The following CACHD1 variants were observed in gnomAD, a reference collection of about 807,000 sequenced individuals.
The protein encoded by CACHD1 is cache domain containing 1.
CACHD1 carries 71 observed loss-of-function variants against 138.7 expected under a neutral mutation model. That is an observed-to-expected ratio of 0.51 (90% CI 0.42 to 0.62). The LOEUF is 0.62. Among genes scored for constraint, CACHD1 ranks in the 20% least tolerant of loss-of-function variants. CACHD1 has a pLI of 0.00. For synonymous variants in CACHD1, 578 were observed against 591.5 expected, an observed-to-expected ratio of 0.98 and a Z score of 0.33; for missense variants, 1,389 against 1,625.3, an observed-to-expected ratio of 0.85 and a Z score of 2.50.
At position 64,691,453 on chromosome 1, in the gene CACHD1, C is replaced by G. The variant is rs1302353815; in HGVS notation, c.3717C>G (p.Ala1239=). Residue 1239 remains alanine, a synonymous_variant, in exon 27 of 27, where the codon GCC becomes GCG. Transcript: ENST00000651257. ...TGGATACCCCCCCTCAGACTGCTGC[C>G]CTACTAAGTCACAAGTTCCACCACT... ...LDLDTPPQTA[A]LLSHKFHHYR... The G allele has an allele frequency of 3.1e-6, 5 of 1,614,054 alleles. No homozygotes were observed. The Admixed American group carries it at 6.7e-5, about 22-fold the overall frequency.
At position 64,664,542 on chromosome 1, in the gene CACHD1, T is replaced by C. The variant is rs773542908; in HGVS notation, c.2139T>C (p.Asp713=). ...NEVMATSHVT[D]EWMTQMEMSS... Reference sequence around the variant, plus strand: ...TAATGGCTACCAGCCACGTCACAGATGAATGGATGACACAAATGGAAATGA... The same window carrying C: ...TAATGGCTACCAGCCACGTCACAGACGAATGGATGACACAAATGGAAATGA... Residue 713 remains aspartate (D), a synonymous_variant, in exon 15 of 27, where the codon GAT becomes GAC. Coordinates refer to ENST00000651257, the MANE Select transcript of CACHD1 (RefSeq NM_020925.4). 4 of 1,614,072 alleles carry C rather than the reference T, an allele frequency of 2.5e-6. No individual in the cohort carries two copies. The East Asian group carries it at 8.9e-5, about 36-fold the overall frequency.
chr1:64,503,100 A>G (rs1646349175), intron 1 of CACHD1, among the ~76,000 whole-genome samples: 1 of 152,218 alleles, frequency 6.6e-6, no homozygotes, highest in Non-Finnish European at 1.5e-5. Flanking sequence ...CCCAAGATAC[A>G]GTTTCCATGA....
At position 64,476,682 on chromosome 1, in the gene CACHD1, C is replaced by G. The variant is rs556596805; in HGVS notation, c.198+5740C>G. 2.6e-5 allele frequency among the ~76,000 whole-genome samples: 4 copies of G among 152,346 alleles called. No individual in the cohort carries two copies. In the South Asian group the frequency reaches 6.2e-4, roughly 24 times the overall value. ...TGTTGAATGACTTCTGATAAACTGT[C>G]TCTGTTGTGCTTAGCACTTCCTGGA... On this transcript the variant is annotated intron_variant, in intron 1 of 26. Transcript: ENST00000651257.
intron 1 of CACHD1, among the ~76,000 whole-genome samples, chr1:64,496,758 A>G (rs979970277): frequency 2.4e-4 from 36 of 151,724 alleles, no homozygotes; most frequent in Admixed American, 2.0e-3. Context: ...TTATGGGTCA[A>G]TTTATGGGTC....
intron 1 of CACHD1, among the ~76,000 whole-genome samples, chr1:64,547,326 G>T (rs757145504): frequency 6.6e-6 from 1 of 152,174 alleles, no homozygotes. Context: ...TGTAGTTTGA[G>T]ATCTTGTGCA....
At chr1:64,620,288 A>C (rs1272091741) in intron 4 of CACHD1, among the ~76,000 whole-genome samples, 2 of 152,152 alleles carry the variant, frequency 1.3e-5, no homozygotes, top group Non-Finnish European at 2.9e-5. Flanking sequence ...CCCTACCTAC[A>C]TGTAGCTGTT....
At chr1:64,566,242 C>A (rs1452685524) in intron 2 of CACHD1, among the ~76,000 whole-genome samples, 1 of 152,092 alleles carries the variant, frequency 6.6e-6, no homozygotes, top group East Asian at 1.9e-4. Context: ...TTGTCTGTTC[C>A]ATGTCTTGAT....
chr1:64,541,301 G>T (rs1331366623), intron 1 of CACHD1, among the ~76,000 whole-genome samples: 1 of 152,198 alleles, frequency 6.6e-6, no homozygotes, highest in Non-Finnish European at 1.5e-5. Flanking sequence ...TAACAATAAG[G>T]TTAGGACCTA....
At chr1:64,639,014 G>C (rs752222237) in intron 7 of CACHD1, among the ~76,000 whole-genome samples, 4 of 152,214 alleles carry the variant, frequency 2.6e-5, no homozygotes, top group Non-Finnish European at 4.4e-5. Context: ...TACCAAAGCA[G>C]CTCAAGGGCT....
chr1:64,548,181 G>A (rs1403225108), intron 1 of CACHD1, among the ~76,000 whole-genome samples: 1 of 152,190 alleles, frequency 6.6e-6, no homozygotes, highest in Non-Finnish European at 1.5e-5. Flanking sequence ...AAAGGAGAAG[G>A]AAGTATCTGA....
intron 1 of CACHD1, among the ~76,000 whole-genome samples, chr1:64,505,526 C>G (rs1334880378): frequency 7.0e-6 from 1 of 142,832 alleles, no homozygotes; most frequent in Non-Finnish European, 1.5e-5. Context: ...GAAGGGACCT[C>G]CCCGCCCCCG....
chr1:64,624,029 C>T (rs560251722), intron 4 of CACHD1, among the ~76,000 whole-genome samples: 12 of 152,306 alleles, frequency 7.9e-5, no homozygotes, highest in Non-Finnish European at 1.3e-4. Context: ...TCTGGGTTGC[C>T]TGTGTGGATA....
intron 1 of CACHD1, among the ~76,000 whole-genome samples, chr1:64,530,362 A>G (rs982500204): frequency 2.0e-5 from 3 of 152,200 alleles, no homozygotes; most frequent in Non-Finnish European, 2.9e-5. Flanking sequence ...TTAAGAAATA[A>G]TAGTTGAGAT....
In CACHD1 at chr1:64,532,431, G is replaced by A. The variant is rs560392810; in HGVS notation, c.199-18163G>A. Among the ~76,000 whole-genome samples the A allele has an allele frequency of 2.2e-3, 332 of 152,282 alleles. 2 individuals are homozygous for A. Among genetic ancestry groups the A allele is most frequent in the Non-Finnish European group, 3.7e-3 (249 of 68,026 alleles). ...GGTGTGATGGATGTGATGAGCTACTGGAGTTGCTATTTTGCATAAAATGGC... is the reference window on the plus strand; with the variant it reads ...GGTGTGATGGATGTGATGAGCTACTAGAGTTGCTATTTTGCATAAAATGGC... On this transcript the variant is annotated intron_variant, in intron 1 of 26. Coordinates refer to ENST00000651257, the MANE Select transcript of CACHD1 (RefSeq NM_020925.4).
At chr1:64,478,661 A>G (rs1221572452) in intron 1 of CACHD1, among the ~76,000 whole-genome samples, 4 of 152,216 alleles carry the variant, frequency 2.6e-5, no homozygotes, top group Admixed American at 2.6e-4. Context: ...TGGATGGCTC[A>G]AGACAATATA....
intron 22 of CACHD1, among the ~76,000 whole-genome samples, chr1:64,677,437 G>A (rs1471220963): frequency 1.3e-5 from 2 of 152,182 alleles, no homozygotes; most frequent in Non-Finnish European, 2.9e-5. Context: ...CACTCCTCAG[G>A]TGGGATTAGG....
intron 15 of CACHD1, among the ~76,000 whole-genome samples, chr1:64,665,008 A>G (rs1649582328): frequency 6.6e-6 from 1 of 152,218 alleles, no homozygotes; most frequent in African/African-American, 2.4e-5. Flanking sequence ...ATGATTATGG[A>G]ATCAAGTTAC....
intron 1 of CACHD1, among the ~76,000 whole-genome samples, chr1:64,521,862 A>G (rs2100377392): frequency 6.6e-6 from 1 of 152,332 alleles, no homozygotes; most frequent in South Asian, 2.1e-4. Context: ...TATAGTCTAG[A>G]TACAAGTCTC....
chr1:64,473,826 A>C (rs916519421), intron 1 of CACHD1, among the ~76,000 whole-genome samples: 4 of 152,224 alleles, frequency 2.6e-5, no homozygotes, highest in African/African-American at 9.6e-5. Context: ...AGTAGCCCTC[A>C]AACCAGGCCT....
Sources: allele counts gnomAD v4.1 joint callset (sites outside exome capture counted in the v4.1 genomes callset), GRCh38; gene constraint gnomAD v4.1.1; transcripts MANE v1.5; gene names NCBI Gene and HGNC (gene_info 2026-07-23, HGNC 2026-07-21).